ATAD3A: variants seen among roughly 807,000 people sequenced by gnomAD.
ATAD3A encodes the protein ATPase family AAA domain containing 3A.
ATAD3A carries 46 observed loss-of-function variants against 73.8 expected under a neutral mutation model. That is an observed-to-expected ratio of 0.62 (90% confidence interval 0.49 to 0.80). The LOEUF is 0.80. ATAD3A is among the 30% of genes least tolerant of loss of function. The pLI is 0.00. For synonymous variants in ATAD3A, 319 were observed against 350.0 expected (o/e 0.91, Z 0.99); for missense variants, 705 against 838.0 (o/e 0.84, Z 1.96).
At chr1:1,526,582 C>T (rs375906685) in intron 13 of ATAD3A, 51 bp downstream of exon 13, 89 of 1,611,346 alleles carry the variant, frequency 5.5e-5, no homozygotes, top group Non-Finnish European at 6.9e-5. Flanking sequence ...GTGCAGCCGT[C>T]GCCCTTGGTT....
Position 1,525,258 on chromosome 1 carries a change from T to C in ATAD3A, c.1233T>C (p.Asp411=), listed in dbSNP as rs1293064360. 1.2e-6 allele frequency: 2 copies of C among 1,613,808 alleles called. No homozygotes were observed. Among genetic ancestry groups the C allele is most frequent in the Admixed American group, 1.7e-5 (1 of 59,992 alleles). The part of the protein sequence containing the change: ...TSRRGLLLFV[D]EADAFLRKRA... ...TTCACAGCCTCCTGCTCTTTGTGGA[T>C]GAAGCGGACGCCTTCCTTCGGAAGC... is the stretch of plus-strand genomic sequence containing the variant. Residue 411 remains aspartate (D), a synonymous_variant, in exon 12 of 16, where the codon GAT becomes GAC. Transcript: ENST00000378756.
At position 1,527,878 on chromosome 1, in the gene ATAD3A, C is replaced by T. The variant is rs2100678465; in HGVS notation, c.1505+16C>T. 6.2e-7 allele frequency: 1 copy of T among 1,607,482 alleles called. No individual in the cohort carries two copies. Among genetic ancestry groups the T allele is most frequent in the Non-Finnish European group, 8.5e-7 (1 of 1,175,968 alleles). On this transcript the variant is annotated intron_variant, in intron 14 of 15. Coordinates refer to ENST00000378756, the MANE Select transcript of ATAD3A (RefSeq NM_001170535.3). ...AAGGAAAGCAGTAAGTGTCCCGCCCCACCAGCCCCCGTCCAGGGGCCCTCG... is the reference window on the plus strand; with the variant it reads ...AAGGAAAGCAGTAAGTGTCCCGCCCTACCAGCCCCCGTCCAGGGGCCCTCG...
chr1:1,516,307 G>A (rs980030397), intron 2 of ATAD3A, among the ~76,000 whole-genome samples: 13 of 151,986 alleles, frequency 8.6e-5, no homozygotes, highest in Admixed American at 2.6e-4. Context: ...TGTTGGTGAG[G>A]GCGTCTGGTC....
At chr1:1,522,588 G>A (rs1480776865) in intron 7 of ATAD3A, among the ~76,000 whole-genome samples, 156 bp from the exon 8 acceptor site, 2 of 152,230 alleles carry the variant, frequency 1.3e-5, no homozygotes, top group African/African-American at 2.4e-5. Context: ...GTGGCTGTGG[G>A]ATTCGGGGCC....
chr1:1,527,480 C>T (rs535630674), intron 13 of ATAD3A, among the ~76,000 whole-genome samples: 37 of 152,310 alleles, frequency 2.4e-4, no homozygotes, highest in Middle Eastern at 3.4e-3. Context: ...CGAGGGTCAG[C>T]GGGAAAGCAC....
In ATAD3A at chr1:1,527,791, G is replaced by A; in HGVS notation, c.1434G>A (p.Gln478=). Residue 478 remains glutamine, a synonymous_variant, in exon 14 of 16, where the codon CAG becomes CAA. Transcript: ENST00000378756. The part of the protein sequence containing the change: ...NEMVHFDLPG[Q]EERERLVRMY... ...TGGTCCACTTCGACCTGCCAGGGCA[G>A]GAGGAACGGGAGCGCCTGGTGAGAA... 1 of 1,614,046 alleles carries A rather than the reference G, an allele frequency of 6.2e-7. No individual in the cohort carries two copies. Among genetic ancestry groups the A allele is most frequent in the Non-Finnish European group, 8.5e-7 (1 of 1,179,978 alleles).
chr1:1,517,567 C>G (rs1279500588), intron 3 of ATAD3A, 149 bp from the exon 4 acceptor site: 7 of 775,998 alleles, frequency 9.0e-6, no homozygotes, highest in Non-Finnish European at 1.2e-5. Flanking sequence ...CCTGTAAGGT[C>G]CCTCACTGCT....
At chr1:1,514,186 C>T (rs1172660669) in intron 1 of ATAD3A, among the ~76,000 whole-genome samples, 1 of 151,174 alleles carries the variant, frequency 6.6e-6, no homozygotes, top group African/African-American at 2.5e-5. Context: ...TTTCCCCTCT[C>T]CTCCTCCCCA....
chr1:1,532,576 G>A lies in ATAD3A; in HGVS notation c.1615-1350G>A, dbSNP rs548834037. On this transcript the variant is annotated intron_variant, in intron 15 of 15. Transcript: ENST00000378756. ...CCCAGAATCCCACCCAGGACGCCAC[G>A]TGACATTTAGCTGTCACTTCTGGTG... Among the ~76,000 whole-genome samples the A allele has an allele frequency of 3.9e-5, 6 of 152,278 alleles. No individual in the cohort carries two copies. The South Asian group carries it at 6.2e-4, about 16-fold the overall frequency.
intron 15 of ATAD3A, 151 bp downstream of exon 15, chr1:1,529,482 C>T: frequency 1.4e-6 from 2 of 1,445,492 alleles, no homozygotes; most frequent in South Asian, 1.4e-5. Context: ...CCCCCTGCCC[C>T]AGTCAGGCCA....
chr1:1,518,832 C>A (rs1023483654), intron 4 of ATAD3A, 89 bp from the exon 5 acceptor site: 5 of 1,610,262 alleles, frequency 3.1e-6, no homozygotes, highest in Non-Finnish European at 4.2e-6. Flanking sequence ...ACTCACCCCC[C>A]TGCACACTCG....
At chr1:1,525,448 TC>T (rs1641775457) in intron 12 of ATAD3A, among the ~76,000 whole-genome samples, 157 bp downstream of exon 12, 1 of 146,824 alleles carries the variant, frequency 6.8e-6, no homozygotes, top group South Asian at 2.2e-4. Flanking sequence ...GAAATCTCGC[TC>T]TATCACCCAG....
intron 14 of ATAD3A, among the ~76,000 whole-genome samples, chr1:1,528,432 G>A (rs532489162): frequency 6.6e-6 from 1 of 152,096 alleles, no homozygotes; most frequent in Non-Finnish European, 1.5e-5. Flanking sequence ...ACTGGAGGGA[G>A]AGGCTCCTCA....
chr1:1,514,360 ACCCTCAGTC>A (rs1641288123), intron 1 of ATAD3A, among the ~76,000 whole-genome samples: 1 of 151,866 alleles, frequency 6.6e-6, no homozygotes, highest in Admixed American at 6.6e-5. Context: ...TGACTGACAC[ACCCTCAGTC>A]CCCTCGGGGT....
chr1:1,521,679 G>A (rs1284175052), intron 7 of ATAD3A, among the ~76,000 whole-genome samples: 1 of 152,266 alleles, frequency 6.6e-6, no homozygotes, highest in Non-Finnish European at 1.5e-5. Flanking sequence ...ACATGACGGA[G>A]CTGCTTAATG....
rs773606388 is a variant in ATAD3A at position 1,529,294 on chromosome 1, C to G, written c.1577C>G (p.Ser526Trp). ...SEVARLTEGMSGREIAQLAVS... is the reference protein window; with the variant it reads ...SEVARLTEGMWGREIAQLAVS... ...GTCGCTCGGCTGACGGAGGGCATGT[C>G]GGGCCGGGAGATCGCTCAGCTGGCC... Residue 526 changes from serine (S) to tryptophan (W), a missense_variant, in exon 15 of 16, where the codon TCG (serine) becomes TGG (tryptophan). Physicochemically the swap from Ser to Trp is radical, Grantham distance 177. Coordinates refer to ENST00000378756, the MANE Select transcript of ATAD3A (RefSeq NM_001170535.3). 4 of 1,604,902 alleles carry G rather than the reference C, an allele frequency of 2.5e-6. No individual in the cohort carries two copies. The highest frequency in any genetic ancestry group is 3.4e-6 in the Non-Finnish European group (4 of 1,176,632).
chr1:1,523,706 G>A lies in ATAD3A; in HGVS notation c.964-133G>A. 6.3e-7 allele frequency: 1 copy of A among 1,588,490 alleles called. No individual in the cohort carries two copies. Among genetic ancestry groups the A allele is most frequent in the Middle Eastern group, 1.9e-4 (1 of 5,310 alleles). On this transcript the variant is annotated intron_variant, in intron 9 of 15. Coordinates refer to ENST00000378756, the MANE Select transcript of ATAD3A (RefSeq NM_001170535.3). The surrounding 1 kb of genome is among the most constrained non-coding windows in gnomAD (Gnocchi z 5.1). Reference sequence around the variant, plus strand: ...ATGCGACTGCTTGGACCGTGCTGGGGATAGATAGGCTGCCCCTGAGGTGGG... The same window carrying A: ...ATGCGACTGCTTGGACCGTGCTGGGAATAGATAGGCTGCCCCTGAGGTGGG...
rs200930212 is a variant in ATAD3A, at chr1:1,515,993, C to T, written c.206-19C>T. 378 of 1,613,812 alleles carry T rather than the reference C, an allele frequency of 2.3e-4. 1 individual carries two copies. The African/African-American group carries it at 4.5e-3, about 19-fold the overall frequency. On this transcript the variant is annotated intron_variant, in intron 1 of 15. Transcript: ENST00000378756. ...TCCGTGTATCCTAACACCTGCCCTC[C>T]GTGTCCTTGCGTCTGCAGGTTATGC...
At chr1:1,525,944 G>C (rs1196331172) in intron 12 of ATAD3A, among the ~76,000 whole-genome samples, 1 of 152,172 alleles carries the variant, frequency 6.6e-6, no homozygotes, top group African/African-American at 2.4e-5. Context: ...CTGAGCTAAA[G>C]AGATTTGCCT....
Sources: gnomAD v4.1 joint callset for allele counts (sites outside exome capture counted in the v4.1 genomes callset) on GRCh38, gnomAD v4.1.1 for gene constraint, Gnocchi (gnomAD v3.1) non-coding constraint, MANE v1.5 for transcripts, NCBI Gene and HGNC (gene_info 2026-07-23, HGNC 2026-07-21) for gene names.